LAMA1: variants seen among roughly 807,000 people sequenced by gnomAD.
The protein encoded by LAMA1 is laminin subunit alpha-1.
A neutral mutation model predicts 348.7 loss-of-function variants in LAMA1; 219 were observed. That is an observed-to-expected ratio of 0.63 (90% CI 0.56 to 0.70). The LOEUF is 0.70. LAMA1 is among the 30% of genes least tolerant of loss of function. The probability of loss-of-function intolerance (pLI) is 0.00; values close to 1 mark genes in which losing one functional copy is unlikely to be tolerated. For missense variants in LAMA1, 3,744 were observed against 3,888.0 expected (o/e 0.96, Z 0.99); for synonymous variants, 1,487 against 1,491.0 (o/e 1.00, Z 0.06).
chr18:6,985,820 A>T (rs1340974673), intron 37 of LAMA1, among the ~76,000 whole-genome samples, 177 bp from the exon 38 acceptor site: 2 of 152,124 alleles, frequency 1.3e-5, no homozygotes, highest in African/African-American at 4.8e-5. Flanking sequence ...GTGCGGTGGC[A>T]TGATCTCGGC....
chr18:7,020,942 G>C (rs2057912476), intron 19 of LAMA1, among the ~76,000 whole-genome samples: 1 of 152,130 alleles, frequency 6.6e-6, no homozygotes, highest in African/African-American at 2.4e-5. Context: ...CCCAGGACAG[G>C]GAGGACGAGG....
intron 1 of LAMA1, among the ~76,000 whole-genome samples, chr18:7,115,814 CAAA>C (rs557585224): frequency 4.0e-4 from 38 of 94,818 alleles, no homozygotes; most frequent in African/African-American, 1.1e-3. Context: ...ACTAAAAATA[CAAA>C]AAAAAAAAAA....
intron 1 of LAMA1, among the ~76,000 whole-genome samples, chr18:7,103,369 C>T (rs539667374): frequency 6.6e-6 from 1 of 152,036 alleles, no homozygotes; most frequent in Non-Finnish European, 1.5e-5. Context: ...CGCTCCACTG[C>T]ACTCCAGCCT....
intron 36 of LAMA1, 61 bp downstream of exon 36, chr18:6,992,500 A>G (rs1272074434): frequency 6.4e-7 from 1 of 1,559,738 alleles, no homozygotes. Context: ...TCTCCTTTGG[A>G]GATAGCGTGC....
chr18:7,083,697 T>C (rs76172288), intron 1 of LAMA1, among the ~76,000 whole-genome samples: 3,347 of 152,218 alleles, frequency 0.022, 110 homozygotes, highest in African/African-American at 0.076. Context: ...GTCTTACATA[T>C]TATATTTACT....
intron 1 of LAMA1, among the ~76,000 whole-genome samples, chr18:7,106,720 C>G (rs2058313429): frequency 6.6e-6 from 1 of 151,916 alleles, no homozygotes; most frequent in Non-Finnish European, 1.5e-5. Flanking sequence ...CACTATAATC[C>G]CTGGGAGTAA....
At chr18:6,985,734 A>G in intron 37 of LAMA1, 91 bp from the exon 38 acceptor site, 1 of 783,888 alleles carries the variant, frequency 1.3e-6, no homozygotes, top group South Asian at 1.4e-5. Flanking sequence ...AAGTTAGTGC[A>G]TGGGACTCAC....
chr18:7,046,516 C>A, intron 5 of LAMA1, 149 bp from the exon 6 acceptor site: 1 of 558,982 alleles, frequency 1.8e-6, no homozygotes, highest in Admixed American at 3.5e-5. Flanking sequence ...AATTATATTT[C>A]ATGCACAAAG....
intron 1 of LAMA1, among the ~76,000 whole-genome samples, chr18:7,107,409 C>A (rs1198333951): frequency 6.6e-6 from 1 of 151,860 alleles, no homozygotes; most frequent in Non-Finnish European, 1.5e-5. Context: ...TGAGCCACCG[C>A]CCCCAGCCAG....
At chr18:7,096,242 C>T (rs2058260791) in intron 1 of LAMA1, among the ~76,000 whole-genome samples, 2 of 152,202 alleles carry the variant, frequency 1.3e-5, no homozygotes, top group African/African-American at 4.8e-5. Context: ...TTTCTGTCTC[C>T]ATGACAGCAG....
chr18:6,960,000 T>C (rs1472430921), intron 53 of LAMA1: 1 of 211,492 alleles, frequency 4.7e-6, no homozygotes, highest in Admixed American at 5.3e-5. Context: ...GGAACGTGAG[T>C]ATCTCACAAT....
At chr18:7,087,502 C>T (rs1397001438) in intron 1 of LAMA1, among the ~76,000 whole-genome samples, 1 of 152,214 alleles carries the variant, frequency 6.6e-6, no homozygotes, top group African/African-American at 2.4e-5. Flanking sequence ...CCCTGGCCCA[C>T]TCCTCAGGAT....
intron 57 of LAMA1, among the ~76,000 whole-genome samples, chr18:6,952,382 A>C (rs2057550916): frequency 6.6e-6 from 1 of 152,180 alleles, no homozygotes; most frequent in Non-Finnish European, 1.5e-5. Flanking sequence ...ACGAGGAAAC[A>C]GTCCCTGAGG....
At chr18:7,103,059 A>T (rs942933496) in intron 1 of LAMA1, among the ~76,000 whole-genome samples, 3 of 152,138 alleles carry the variant, frequency 2.0e-5, no homozygotes, top group African/African-American at 7.2e-5. Context: ...ATGAGTGCAG[A>T]GAGTGTCTGA....
intron 48 of LAMA1, among the ~76,000 whole-genome samples, chr18:6,970,704 C>T (rs1272239281): frequency 1.3e-5 from 2 of 151,898 alleles, no homozygotes; most frequent in Non-Finnish European, 2.9e-5. Flanking sequence ...GCTCTGCCTC[C>T]CGGGTTCAAG....
intron 55 of LAMA1, chr18:6,956,994 C>T (rs2057582103): frequency 1.9e-6 from 1 of 524,676 alleles, no homozygotes; most frequent in Non-Finnish European, 3.5e-6. Context: ...AGCATATCCC[C>T]ATGTCAGACC....
intron 44 of LAMA1, 51 bp from the exon 45 acceptor site, chr18:6,976,131 A>C (rs1265181387): frequency 3.1e-6 from 5 of 1,589,920 alleles, no homozygotes; most frequent in Non-Finnish European, 4.3e-6. Flanking sequence ...ACACACCGGC[A>C]GCTCACCAGC....
intron 17 of LAMA1, among the ~76,000 whole-genome samples, chr18:7,025,389 A>G (rs117964676): frequency 0.032 from 4,920 of 152,254 alleles, 129 homozygotes; most frequent in Non-Finnish European, 0.05. Context: ...CCACCTAGGT[A>G]GGCTGGACAC....
intron 1 of LAMA1, among the ~76,000 whole-genome samples, chr18:7,085,874 C>CA (rs2058215281): frequency 6.6e-6 from 1 of 152,150 alleles, no homozygotes; most frequent in Non-Finnish European, 1.5e-5. Flanking sequence ...CTAACAACTA[C>CA]AAATAGCATG....
Sources: allele counts gnomAD v4.1 joint callset (sites outside exome capture counted in the v4.1 genomes callset), GRCh38; gene constraint gnomAD v4.1.1; transcripts MANE v1.5; gene names NCBI Gene and HGNC (gene_info 2026-07-23, HGNC 2026-07-21).